The following AOPEP variants were observed in gnomAD, a reference collection of about 807,000 sequenced individuals.
AOPEP encodes the protein aminopeptidase O.
In AOPEP, 77 loss-of-function variants were observed where a neutral mutation model predicts 98.1. That is an observed-to-expected ratio of 0.78 (90% confidence interval 0.65 to 0.95). The LOEUF (loss-of-function observed/expected upper bound fraction) is 0.95. AOPEP is among the 40% of genes least tolerant of loss of function. The probability of loss-of-function intolerance (pLI) is 0.00; values close to 1 mark genes in which losing one functional copy is unlikely to be tolerated. For synonymous variants in AOPEP, 346 were observed against 365.3 expected (o/e 0.95, Z 0.60); for missense variants, 1,024 against 1,024.7 (o/e 1.00, Z 0.01).
At chr9:94,754,657 A>G (rs908876220) in intron 1 of AOPEP, among the ~76,000 whole-genome samples, 2 of 152,238 alleles carry the variant, frequency 1.3e-5, no homozygotes, top group Admixed American at 6.5e-5. Context: ...ACAAATATTT[A>G]TTGAGAACCT....
chr9:94,861,034 A>C (rs2044894068), intron 5 of AOPEP, among the ~76,000 whole-genome samples: 1 of 152,150 alleles, frequency 6.6e-6, no homozygotes, highest in African/African-American at 2.4e-5. Flanking sequence ...CAGTGTGCTG[A>C]CAATGCTATG....
At chr9:95,099,867 AGAAG>A in the AOPEP span, 4 of 233,314 alleles carry the variant, frequency 1.7e-5, no homozygotes, top group African/African-American at 6.6e-5. Flanking sequence ...CAGTCCCAGG[AGAAG>A]GAAGGAAGGG....
In AOPEP at chr9:94,972,920, CAG is replaced by C. The variant is rs1044395072; in HGVS notation, c.1916+5122_1916+5123del. 1.1e-4 allele frequency among the ~76,000 whole-genome samples: 16 copies of C among 151,826 alleles called. No individual in the cohort carries two copies. The highest frequency in any genetic ancestry group is 3.9e-4 in the African/African-American group (16 of 41,394). ...CACCACTGCACGCCAGCCTGGGAGA[CAG>C]AGTGAGACCCTGTCTCAAAAAAAAA... is the stretch of plus-strand genomic sequence containing the variant. On this transcript the variant is annotated intron_variant, in intron 10 of 16. Coordinates refer to ENST00000375315, the MANE Select transcript of AOPEP (RefSeq NM_001193329.3). This position sits in a 1 kb window ranked among gnomAD's most constrained non-coding sequence, Gnocchi z 4.2.
At chr9:95,120,941 G>A in the AOPEP span, among the ~76,000 whole-genome samples, 4 of 152,094 alleles carry the variant, frequency 2.6e-5, no homozygotes, top group East Asian at 1.9e-4. Flanking sequence ...ATTGTGCCAA[G>A]TTCTGGCCCT....
intron 5 of AOPEP, among the ~76,000 whole-genome samples, chr9:94,829,991 A>G (rs939557862): frequency 6.6e-6 from 1 of 152,208 alleles, no homozygotes; most frequent in Non-Finnish European, 1.5e-5. Flanking sequence ...GAGTGACTGC[A>G]TGAACTACAT....
rs57448018 is a variant in AOPEP at position 95,049,358 on chromosome 9, T to G, written c.2116-11336T>G. Among the ~76,000 whole-genome samples the G allele has an allele frequency of 3.1e-3, 476 of 152,310 alleles. 1 individual carries two copies. Among genetic ancestry groups the G allele is most frequent in the African/African-American group, 0.011 (462 of 41,564 alleles). On this transcript the variant is annotated intron_variant, in intron 13 of 16. Coordinates refer to ENST00000375315, the MANE Select transcript of AOPEP (RefSeq NM_001193329.3). ...TAGCCACAGGAGCATTTTTAAAAGT[T>G]TTTCTTTTTCAGCTTAATTTATATA...
At chr9:95,006,758 A>G (rs1349111359) in intron 13 of AOPEP, among the ~76,000 whole-genome samples, 1 of 152,176 alleles carries the variant, frequency 6.6e-6, no homozygotes, top group East Asian at 1.9e-4. Flanking sequence ...ACCATACCTC[A>G]GCATGGTATG....
At chr9:94,916,257 G>A (rs1039500294) in intron 5 of AOPEP, among the ~76,000 whole-genome samples, 3 of 152,188 alleles carry the variant, frequency 2.0e-5, no homozygotes, top group Non-Finnish European at 4.4e-5. Context: ...CCGTGGGGAG[G>A]TGAGGGAGTG....
Position 94,792,791 on chromosome 9 carries a change from A to G in AOPEP, c.991A>G (p.Thr331Ala). ...GTGCTCAAGCTGGTATTACTATGTA[A>G]CTATGCCAATGCCAGCCTCCACCTT... is the stretch of plus-strand genomic sequence containing the variant. ...EECSSWYYYVTMPMPASTFTI... is the reference protein window; with the variant it reads ...EECSSWYYYVAMPMPASTFTI... The change falls in exon 4 of 17, where the codon ACT becomes GCT. Residue 331 changes from threonine (T) to alanine (A), a missense_variant. Thr to Ala is a moderately conservative substitution (Grantham distance 58). Coordinates refer to ENST00000375315, the MANE Select transcript of AOPEP (RefSeq NM_001193329.3). 6.2e-7 allele frequency: 1 copy of G among 1,613,142 alleles called. No individual in the cohort carries two copies. Among genetic ancestry groups the G allele is most frequent in the Non-Finnish European group, 8.5e-7 (1 of 1,179,438 alleles).
chr9:95,031,444 G>A (rs1156777134), intron 13 of AOPEP, among the ~76,000 whole-genome samples: 1 of 152,106 alleles, frequency 6.6e-6, no homozygotes, highest in East Asian at 1.9e-4. Context: ...ACGTCATCTA[G>A]GTCTTCATTT....
chr9:95,126,522 C>T, the AOPEP span: 2 of 1,613,458 alleles, frequency 1.2e-6, no homozygotes, highest in Non-Finnish European at 1.7e-6. Flanking sequence ...AACAGTGTAA[C>T]GTTTACCTGA....
At chr9:94,751,549 T>G (rs1362432654) in intron 1 of AOPEP, among the ~76,000 whole-genome samples, 3 of 152,152 alleles carry the variant, frequency 2.0e-5, no homozygotes, top group African/African-American at 7.2e-5. Context: ...AAAGACAGAA[T>G]GGAAGAGGAT....
intron 7 of AOPEP, among the ~76,000 whole-genome samples, chr9:94,939,419 G>T (rs2056739988): frequency 6.6e-6 from 1 of 152,180 alleles, no homozygotes; most frequent in South Asian, 2.1e-4. Flanking sequence ...CCAAGGTCTG[G>T]TTGATCCTGC....
intron 7 of AOPEP, among the ~76,000 whole-genome samples, chr9:94,945,227 A>T (rs181101349): frequency 6.6e-6 from 1 of 152,092 alleles, no homozygotes; most frequent in Non-Finnish European, 1.5e-5. Context: ...GCCATGCTAT[A>T]CCTCCCATTG....
At chr9:94,885,476 GA>G (rs1157322522) in intron 5 of AOPEP, among the ~76,000 whole-genome samples, 2 of 148,570 alleles carry the variant, frequency 1.3e-5, no homozygotes, top group Non-Finnish European at 3.0e-5. Context: ...TGGCTAAAGG[GA>G]AAAAGCATGG....
intron 5 of AOPEP, among the ~76,000 whole-genome samples, chr9:94,856,397 T>A (rs1358544912): frequency 6.6e-6 from 1 of 152,004 alleles, no homozygotes; most frequent in African/African-American, 2.4e-5. Flanking sequence ...ATCCCAGCAC[T>A]TTAGGAGGCT....
chr9:95,043,345 A>G (rs1354222238), intron 13 of AOPEP, among the ~76,000 whole-genome samples: 5 of 151,502 alleles, frequency 3.3e-5, no homozygotes, highest in African/African-American at 1.2e-4. Context: ...AGTCATTTGC[A>G]TTTCGCTTAA....
chr9:94,848,379 G>C (rs2043110382), intron 5 of AOPEP, among the ~76,000 whole-genome samples: 1 of 149,760 alleles, frequency 6.7e-6, no homozygotes. Flanking sequence ...ATGAACCCGG[G>C]AGGCGGATCT....
chr9:95,113,948 TGTGGTG>T, the AOPEP span: 1 of 154,510 alleles, frequency 6.5e-6, no homozygotes, highest in African/African-American at 2.4e-5. Context: ...ATTAGCTAGG[TGTGGTG>T]GTACACGCCT....
Sources: gnomAD v4.1 joint callset for allele counts (sites outside exome capture counted in the v4.1 genomes callset) on GRCh38, gnomAD v4.1.1 for gene constraint, Gnocchi (gnomAD v3.1) non-coding constraint, MANE v1.5 for transcripts, NCBI Gene and HGNC (gene_info 2026-07-23, HGNC 2026-07-21) for gene names.